Variants in TET2 observed in about 807,000 individuals in gnomAD.
The protein encoded by TET2 is tet methylcytosine dioxygenase 2, also known as methylcytosine dioxygenase TET2.
TET2 carries 299 observed loss-of-function variants against 142.9 expected under a neutral mutation model. The ratio of observed to expected loss-of-function variants is 2.09; its 90% CI spans 1.90 to 2.30. The LOEUF is 2.30. TET2 is among the 30% of genes most tolerant of loss of function. The pLI is 0.00. For synonymous variants in TET2, 819 were observed against 849.0 expected (o/e 0.96, Z 0.61); for missense variants, 2,418 against 2,378.0 (o/e 1.02, Z -0.35).
At chr4:105,261,094 A>G (rs1397796365) in intron 7 of TET2, among the ~76,000 whole-genome samples, 1 of 151,976 alleles carries the variant, frequency 6.6e-6, no homozygotes, top group Non-Finnish European at 1.5e-5. Context: ...AGAAATATCA[A>G]TCTGAAATGA....
chr4:105,270,629 C>T (rs1442586950), intron 9 of TET2, among the ~76,000 whole-genome samples: 2 of 151,450 alleles, frequency 1.3e-5, no homozygotes, highest in African/African-American at 2.4e-5. Context: ...TAAAATGGAT[C>T]GGTCTTGTAA....
At chr4:105,187,064 G>A (rs1446963856) in intron 1 of TET2, among the ~76,000 whole-genome samples, 2 of 152,144 alleles carry the variant, frequency 1.3e-5, no homozygotes, top group African/African-American at 2.4e-5. Context: ...TGCTGGTAGT[G>A]ACACTCATGT....
Position 105,249,522 on chromosome 4 carries a change from A to G in TET2, c.3803+5744A>G, listed in dbSNP as rs141705108. Among the ~76,000 whole-genome samples, 77 of 152,284 alleles carry G rather than the reference A, an allele frequency of 5.1e-4. 1 individual carries two copies. Among genetic ancestry groups the G allele is most frequent in the African/African-American group, 1.7e-3 (69 of 41,552 alleles). On this transcript the variant is annotated intron_variant, in intron 6 of 10. Coordinates refer to ENST00000380013, the MANE Select transcript of TET2 (RefSeq NM_001127208.3). ...TGTTTAACTTTTTGAAGAACTGCCAAACTGTTTTCCAAAGTAGCTTTATGC... is the reference window on the plus strand; with the variant it reads ...TGTTTAACTTTTTGAAGAACTGCCAGACTGTTTTCCAAAGTAGCTTTATGC...
At chr4:105,206,142 C>A (rs1726810016) in intron 2 of TET2, among the ~76,000 whole-genome samples, 1 of 152,206 alleles carries the variant, frequency 6.6e-6, no homozygotes, top group South Asian at 2.1e-4. Flanking sequence ...GGTTGGGGAA[C>A]AGCTCTATCC....
At chr4:105,185,587 T>C (rs1051374736) in intron 1 of TET2, among the ~76,000 whole-genome samples, 5 of 151,958 alleles carry the variant, frequency 3.3e-5, no homozygotes, top group Non-Finnish European at 5.9e-5. Context: ...GAGACCATCC[T>C]GGCTAACACG....
chr4:105,232,680 G>A (rs1185643659), intron 2 of TET2, among the ~76,000 whole-genome samples: 1 of 152,194 alleles, frequency 6.6e-6, no homozygotes, highest in African/African-American at 2.4e-5. Flanking sequence ...ATATTTATAA[G>A]CTGTTGTTAT....
At chr4:105,199,735 T>C (rs1258876466) in intron 2 of TET2, among the ~76,000 whole-genome samples, 1 of 152,154 alleles carries the variant, frequency 6.6e-6, no homozygotes, top group African/African-American at 2.4e-5. Flanking sequence ...GTTGTTCCCC[T>C]CTGTGTCCAT....
At chr4:105,240,487 G>T (rs1729233196) in intron 3 of TET2, 1 of 1,077,072 alleles carries the variant, frequency 9.3e-7, no homozygotes, top group African/African-American at 1.6e-5. Flanking sequence ...AAAGACAAAT[G>T]TTAAATTAGT....
rs2110227810 is a variant in TET2, at chr4:105,235,487, C to T, written c.1545C>T (p.Asn515=). The part of the protein sequence containing the change: ...TRPMSEHLKH[N]PPIFGSSGEL... ...CAATGTCAGAACACCTCAAGCATAA[C>T]CCACCAATTTTTGGTAGCAGTGGAG... Residue 515 remains asparagine, a synonymous_variant, in exon 3 of 11, where the codon AAC becomes AAT. Transcript: ENST00000380013. 1 of 1,614,136 alleles carries T rather than the reference C, an allele frequency of 6.2e-7. No individual in the cohort carries two copies. The highest frequency in any genetic ancestry group is 8.5e-7 in the Non-Finnish European group (1 of 1,180,018).
intron 1 of TET2, among the ~76,000 whole-genome samples, chr4:105,147,966 A>G (rs540886778): frequency 1.3e-5 from 2 of 151,642 alleles, no homozygotes; most frequent in East Asian, 1.9e-4. Context: ...GTCCCATCCA[A>G]ATTTCTCTTT....
intron 6 of TET2, among the ~76,000 whole-genome samples, chr4:105,250,397 T>TTTTTTTTTTTTTTTTTTTTTG: frequency 7.1e-6 from 1 of 141,568 alleles, no homozygotes; most frequent in Non-Finnish European, 1.5e-5. Context: ...TTTTTTTTTT[T>TTTTTTTTTTTTTTTTTTTTTG]TTTTTTTTTT....
intron 6 of TET2, among the ~76,000 whole-genome samples, chr4:105,248,456 G>A (rs569351050): frequency 1.1e-4 from 17 of 152,216 alleles, no homozygotes; most frequent in Non-Finnish European, 2.4e-4. Context: ...GCAGAAATCT[G>A]TTATATAGAT....
chr4:105,222,471 G>A (rs993121436), intron 2 of TET2, among the ~76,000 whole-genome samples: 6 of 152,302 alleles, frequency 3.9e-5, no homozygotes, highest in African/African-American at 9.6e-5. Context: ...GCCAGTGATG[G>A]TGAGCATTTT....
At chr4:105,260,412 C>T (rs1730365165) in intron 7 of TET2, among the ~76,000 whole-genome samples, 1 of 151,518 alleles carries the variant, frequency 6.6e-6, no homozygotes, top group African/African-American at 2.4e-5. Flanking sequence ...CCTATAAATC[C>T]GTTGTAAAAT....
rs2110225219 is a variant in TET2, at chr4:105,235,116, T to C, written c.1174T>C (p.Phe392Leu). 1 of 1,613,936 alleles carries C rather than the reference T, an allele frequency of 6.2e-7. No individual in the cohort carries two copies. Among genetic ancestry groups the C allele is most frequent in the Non-Finnish European group, 8.5e-7 (1 of 1,179,928 alleles). The change falls in exon 3 of 11, where the codon TTT becomes CTT. Residue 392 changes from phenylalanine (F) to leucine (L), a missense_variant. Transcript: ENST00000380013. Reference protein sequence around the residue: ...KQSSVFTKDSFSATTTPPPPS... With the variant: ...KQSSVFTKDSLSATTTPPPPS... ...AAGCTCAGTGTTCACTAAGGATTCC[T>C]TTTCTGCCACTACCACACCACCACC...
intron 6 of TET2, among the ~76,000 whole-genome samples, chr4:105,250,152 G>T (rs1219429407): frequency 1.3e-5 from 2 of 151,266 alleles, no homozygotes; most frequent in East Asian, 1.9e-4. Flanking sequence ...TTAAAAGACT[G>T]TTTTTTTTCA....
intron 2 of TET2, among the ~76,000 whole-genome samples, chr4:105,207,188 A>G (rs1726875422): frequency 6.6e-6 from 1 of 152,220 alleles, no homozygotes; most frequent in African/African-American, 2.4e-5. Context: ...CTCAAATCTT[A>G]GGGACTAATA....
rs528526296 is a variant in TET2 at position 105,276,849 on chromosome 4, C to A, written c.*330C>A. 22 of 193,042 alleles carry A rather than the reference C, an allele frequency of 1.1e-4. No individual in the cohort carries two copies. The highest frequency in any genetic ancestry group is 9.8e-4 in the Admixed American group (16 of 16,332). 12.0% of individuals were successfully genotyped at this position (193,042 alleles called of 1,614,324 possible). On this transcript the variant is annotated 3_prime_UTR_variant, in exon 11 of 11. Transcript: ENST00000380013. ...ATATGTAAATGTGATCCCCCCCCCC[C>A]GCTTACAACTCTACACATCTGTGAC...
intron 9 of TET2, among the ~76,000 whole-genome samples, chr4:105,271,881 A>G (rs1271593709): frequency 6.6e-6 from 1 of 152,208 alleles, no homozygotes; most frequent in Non-Finnish European, 1.5e-5. Context: ...GTACCCACTT[A>G]TATGGTCATA....
Sources: gnomAD v4.1 joint callset for allele counts (sites outside exome capture counted in the v4.1 genomes callset) on GRCh38, gnomAD v4.1.1 for gene constraint, MANE v1.5 for transcripts, NCBI Gene and HGNC (gene_info 2026-07-23, HGNC 2026-07-21) for gene names.